Variants in ANLN observed in about 807,000 individuals in gnomAD.
ANLN encodes anillin.
A neutral mutation model predicts 135.1 loss-of-function variants in ANLN; 59 were observed. The observed-to-expected ratio is 0.44, with a 90% CI of 0.35 to 0.54. ANLN has a LOEUF of 0.54. ANLN is among the 20% of genes least tolerant of loss of function. The pLI, the probability that ANLN is intolerant of heterozygous loss-of-function variation, is 0.00. For missense variants in ANLN, 1,182 were observed against 1,340.0 expected, an observed-to-expected ratio of 0.88 and a Z score of 1.84; for synonymous variants, 406 against 456.4, an observed-to-expected ratio of 0.89 and a Z score of 1.41.
intron 2 of ANLN, among the ~76,000 whole-genome samples, chr7:36,396,793 G>A (rs1466133460): frequency 6.6e-6 from 1 of 152,136 alleles, no homozygotes; most frequent in African/African-American, 2.4e-5. Context: ...TTTGGGTGGT[G>A]TCTCCGGTAC....
At chr7:36,430,228 C>G (rs372782177) in intron 20 of ANLN, among the ~76,000 whole-genome samples, 173 of 152,282 alleles carry the variant, frequency 1.1e-3, no homozygotes, top group African/African-American at 4.1e-3. Context: ...GTCAGTACAA[C>G]GCAGTCTTGG....
rs1203496497 is a variant in ANLN at position 36,419,418 on chromosome 7, A to G, written c.1808A>G (p.Asn603Ser). 2 of 1,614,178 alleles carry G rather than the reference A, an allele frequency of 1.2e-6. No homozygotes were observed. The highest frequency in any genetic ancestry group is 1.7e-6 in the Non-Finnish European group (2 of 1,180,032). Residue 603 changes from asparagine to serine, a missense_variant, in exon 10 of 24, where the codon AAT (asparagine) becomes AGT (serine). Around this residue, in one of 3 missense-constraint regions of ANLN, gnomAD observed 1,022 missense variants for 1,134.0 expected, o/e 0.90. Transcript: ENST00000265748. ...AGCGAAGAACAGGAAGATGCACTGAATATCTCCTCAATGTCTTTACTTGCA... is the reference window on the plus strand; with the variant it reads ...AGCGAAGAACAGGAAGATGCACTGAGTATCTCCTCAATGTCTTTACTTGCA... ...ESSEEQEDAL[N>S]ISSMSLLAPL...
chr7:36,442,664 C>T (rs949801078), intron 21 of ANLN, among the ~76,000 whole-genome samples: 1 of 151,888 alleles, frequency 6.6e-6, no homozygotes, highest in Non-Finnish European at 1.5e-5. Context: ...CGGAGTCTCA[C>T]TCTGTCACCC....
At chr7:36,416,179 C>T (rs1307414617) in intron 8 of ANLN, among the ~76,000 whole-genome samples, 4 of 152,046 alleles carry the variant, frequency 2.6e-5, no homozygotes, top group Admixed American at 2.6e-4. Context: ...TGCCACCATG[C>T]CCAGCTAATT....
At chr7:36,420,839 C>T (rs1787847421) in intron 12 of ANLN, 95 bp downstream of exon 12, 2 of 1,296,918 alleles carry the variant, frequency 1.5e-6, no homozygotes, top group Non-Finnish European at 2.2e-6. Context: ...TATCTCTGAA[C>T]CCTGAGTGGC....
intron 1 of ANLN, among the ~76,000 whole-genome samples, chr7:36,391,149 AATAC>A (rs1214666648): frequency 6.6e-6 from 1 of 152,216 alleles, no homozygotes; most frequent in African/African-American, 2.4e-5. Context: ...TCTTGGGACA[AATAC>A]ATCAATTTTT....
At chr7:36,449,542 T>C (rs539392307) in intron 22 of ANLN, 123 bp from the exon 23 acceptor site, 102 of 733,298 alleles carry the variant, frequency 1.4e-4, no homozygotes, top group Non-Finnish European at 1.9e-4. Flanking sequence ...CCAGTGTAAC[T>C]AAATTTTAAC....
In ANLN at chr7:36,406,203, C is replaced by T; in HGVS notation, c.510C>T (p.Leu170=). The part of the protein sequence containing the change: ...DMTDDIPESS[L]FSPMPSEEKA... ...CAGATGACATTCCTGAAAGCTCACTCTTCTCACCAATGCCATCAGAGGAAA... is the reference window on the plus strand; with the variant it reads ...CAGATGACATTCCTGAAAGCTCACTTTTCTCACCAATGCCATCAGAGGAAA... Residue 170 remains leucine, a synonymous_variant, in exon 4 of 24, where the codon CTC becomes CTT. Coordinates refer to ENST00000265748, the MANE Select transcript of ANLN (RefSeq NM_018685.5). 3 of 1,605,894 alleles carry T rather than the reference C, an allele frequency of 1.9e-6. No homozygotes were observed. The highest frequency in any genetic ancestry group is 1.7e-6 in the Non-Finnish European group (2 of 1,173,534).
Position 36,419,428 on chromosome 7 carries a change from A to G in ANLN, c.1818A>G (p.Ser606=), listed in dbSNP as rs1011295791. Residue 606 remains serine (S), a synonymous_variant, in exon 10 of 24, where the codon TCA becomes TCG. Coordinates refer to ENST00000265748, the MANE Select transcript of ANLN (RefSeq NM_018685.5). ...EEQEDALNIS[S]MSLLAPLAQT... ...AGGAAGATGCACTGAATATCTCCTC[A>G]ATGTCTTTACTTGCACCATTGGCAC... 4 of 1,614,144 alleles carry G rather than the reference A, an allele frequency of 2.5e-6. No homozygotes were observed. Among genetic ancestry groups the G allele is most frequent in the Non-Finnish European group, 3.4e-6 (4 of 1,180,024 alleles).
chr7:36,426,952 C>T lies in ANLN; in HGVS notation c.2807C>T (p.Thr936Ile). 4 of 1,612,818 alleles carry T rather than the reference C, an allele frequency of 2.5e-6. No individual in the cohort carries two copies. Among genetic ancestry groups the T allele is most frequent in the Non-Finnish European group, 3.4e-6 (4 of 1,179,582 alleles). ...ASPGGLSAVR[T>I]SNFALVGSYT... ...CCAGGAGGTCTTAGTGCTGTGCGAA[C>T]CAGCAACTTCGCCCTTGTTGGATCT... Residue 936 changes from threonine to isoleucine, a missense_variant, in exon 20 of 24, where the codon ACC becomes ATC. Coordinates refer to ENST00000265748, the MANE Select transcript of ANLN (RefSeq NM_018685.5).
At position 36,418,750 on chromosome 7, in the gene ANLN, T is replaced by C. The variant is rs533482710; in HGVS notation, c.1634-494T>C. Among the ~76,000 whole-genome samples the C allele has an allele frequency of 2.2e-5, 3 of 135,284 alleles. No individual in the cohort carries two copies. The East Asian group carries it at 6.2e-4, about 28-fold the overall frequency. 88.8% of individuals were successfully genotyped at this position (135,284 alleles called of 152,430 possible). ...ATATTCATTTCTTTTTCTTTTTCTT[T>C]TTTCTTTTTTTTTTTTGTCTCAGAC... On this transcript the variant is annotated intron_variant, in intron 9 of 23. Transcript: ENST00000265748.
At chr7:36,423,732 C>A in intron 14 of ANLN, 85 bp from the exon 15 acceptor site, 2 of 1,270,032 alleles carry the variant, frequency 1.6e-6, no homozygotes, top group Non-Finnish European at 1.1e-6. Flanking sequence ...TTCAATATTC[C>A]TTTATTTCTT....
chr7:36,399,386 T>A lies in ANLN; in HGVS notation c.480T>A (p.Asp160Glu), dbSNP rs755534089. 6.2e-7 allele frequency: 1 copy of A among 1,605,408 alleles called. No individual in the cohort carries two copies. The highest frequency in any genetic ancestry group is 1.7e-5 in the Admixed American group (1 of 59,234). Residue 160 changes from aspartate to glutamate, a missense_variant, in exon 3 of 24, where the codon GAT becomes GAA. This residue lies in a region of ANLN where 1,022 missense variants were observed against 1,134.0 expected (regional missense o/e 0.90). Transcript: ENST00000265748. Reference sequence around the variant, plus strand: ...AACGGCGCCGTTGGGATAATGATGATATGACAGGTATGAATTGTATAGATG... The same window carrying A: ...AACGGCGCCGTTGGGATAATGATGAAATGACAGGTATGAATTGTATAGATG... ...AEQRRRWDND[D>E]MTDDIPESSL...
intron 4 of ANLN, among the ~76,000 whole-genome samples, chr7:36,407,301 A>G (rs191877111): frequency 2.6e-5 from 4 of 152,308 alleles, no homozygotes; most frequent in Admixed American, 2.6e-4. Flanking sequence ...AGCACTTAGC[A>G]TAGTACCTGG....
Position 36,443,786 on chromosome 7 carries a change from C to T in ANLN, c.3002C>T (p.Ala1001Val), listed in dbSNP as rs747297022. ...TIFEDVSGFG[A>V]WHRRWCVLSG... The stretch of plus-strand genomic sequence containing the variant: ...TTTGAAGATGTTAGTGGTTTTGGTG[C>T]CTGGCATCGAAGATGGTGTGTTCTT... The change falls in exon 22 of 24, where the codon GCC becomes GTC. Residue 1001 changes from alanine (A) to valine (V), a missense_variant. Physicochemically the swap from Ala to Val is moderately conservative, Grantham distance 64. This residue lies in a region of ANLN where 82 missense variants were observed against 133.3 expected (regional missense o/e 0.62). Transcript: ENST00000265748. 3 of 1,612,650 alleles carry T rather than the reference C, an allele frequency of 1.9e-6. No homozygotes were observed. In the South Asian group the frequency reaches 3.3e-5, roughly 18 times the overall value.
intron 11 of ANLN, 34 bp downstream of exon 11, chr7:36,420,348 A>C (rs2116658296): frequency 6.2e-7 from 1 of 1,606,006 alleles, no homozygotes; most frequent in East Asian, 2.2e-5. Flanking sequence ...TCACTCACTA[A>C]GGGTCATGGT....
chr7:36,403,228 C>T (rs997407015), intron 3 of ANLN, among the ~76,000 whole-genome samples: 15 of 152,054 alleles, frequency 9.9e-5, no homozygotes, highest in African/African-American at 3.6e-4. Context: ...TAAGACCTAA[C>T]GACTGGATGG....
chr7:36,427,100 C>A, intron 20 of ANLN, 72 bp downstream of exon 20: 1 of 910,730 alleles, frequency 1.1e-6, no homozygotes, highest in Non-Finnish European at 1.7e-6. Context: ...AATGGAAATG[C>A]CACAATGCTT....
intron 7 of ANLN, 76 bp from the exon 8 acceptor site, chr7:36,415,682 G>A (rs1787608560): frequency 1.1e-5 from 16 of 1,396,498 alleles, no homozygotes; most frequent in Non-Finnish European, 1.5e-5. Context: ...TAATAATCTT[G>A]TTTCATTTAA....
Sources: gnomAD v4.1 joint callset for allele counts (sites outside exome capture counted in the v4.1 genomes callset) on GRCh38, gnomAD v4.1.1 for gene constraint, gnomAD v4.1.1 regional missense constraint, MANE v1.5 for transcripts, NCBI Gene and HGNC (gene_info 2026-07-23, HGNC 2026-07-21) for gene names.